Variants in DNAL4 observed in about 807,000 individuals in gnomAD.
DNAL4 encodes dynein light chain, outer arm 4.
Under a neutral mutation model 12.6 loss-of-function variants are expected in DNAL4, and 10 were observed. The observed-to-expected ratio is 0.79, with a 90% CI of 0.49 to 1.34. The LOEUF (loss-of-function observed/expected upper bound fraction) is 1.34. DNAL4 is among the 40% of genes most tolerant of loss of function. The pLI is 0.00. For missense variants in DNAL4, 128 were observed against 138.1 expected (o/e 0.93, Z 0.37); for synonymous variants, 46 against 53.1 (o/e 0.87, Z 0.58).
At chr22:38,784,019 G>A (rs1016775223) in intron 1 of DNAL4, among the ~76,000 whole-genome samples, 2 of 151,700 alleles carry the variant, frequency 1.3e-5, no homozygotes, top group African/African-American at 4.9e-5. Context: ...AAATCACCAG[G>A]TTGTTAAGCC....
chr22:38,791,778 C>T (rs1402328492), intron 1 of DNAL4, among the ~76,000 whole-genome samples: 1 of 151,980 alleles, frequency 6.6e-6, no homozygotes, highest in African/African-American at 2.4e-5. Flanking sequence ...GCAACATCCA[C>T]CATCCGGGTT....
chr22:38,785,732 C>G (rs1199989355), intron 1 of DNAL4: 2 of 152,286 alleles, frequency 1.3e-5, no homozygotes, highest in African/African-American at 4.8e-5. Flanking sequence ...TTGCAGCCGT[C>G]AGCAAGTAAT....
Position 38,779,750 on chromosome 22 carries a change from T to C in DNAL4, c.154-137A>G. The C allele has an allele frequency of 8.3e-7, 1 of 1,205,758 alleles. No individual in the cohort carries two copies. Among genetic ancestry groups the C allele is most frequent in the Non-Finnish European group, 1.1e-6 (1 of 883,498 alleles). The allele number at this position is 1,205,758 out of a possible 1,614,324, so 74.7% of individuals were successfully genotyped here. On this transcript the variant is annotated intron_variant, in intron 3 of 3. Transcript: ENST00000216068. The surrounding 1 kb of genome is among the most constrained non-coding windows in gnomAD (Gnocchi z 4.3). The stretch of plus-strand genomic sequence containing the variant: ...TGCTGTCCTATTTCTCTTGTCCTCC[T>C]GCTTCAAAAAGGGTTTCCACGCAGG...
intron 1 of DNAL4, among the ~76,000 whole-genome samples, chr22:38,784,753 T>C (rs752884038): frequency 1.3e-5 from 2 of 152,162 alleles, no homozygotes; most frequent in South Asian, 2.1e-4. Context: ...GACCTCGTGA[T>C]CCGCCCACCT....
intron 2 of DNAL4, among the ~76,000 whole-genome samples, chr22:38,781,832 C>T (rs1057205862): frequency 3.9e-5 from 6 of 152,174 alleles, no homozygotes; most frequent in African/African-American, 1.2e-4. Flanking sequence ...TAAACCCGAC[C>T]GCATCTCGCA....
rs369200209 is a variant in DNAL4 at position 38,780,882 on chromosome 22, G to A, written c.153+44C>T. The A allele has an allele frequency of 1.9e-6, 3 of 1,600,596 alleles. No individual in the cohort carries two copies. The African/African-American group carries it at 4.0e-5, about 21-fold the overall frequency. Reference sequence around the variant, plus strand: ...CAGGGGCCACTTTATTCACCCACAGGGGCCATCAAAAGCACGAGGGGCCGC... The same window carrying A: ...CAGGGGCCACTTTATTCACCCACAGAGGCCATCAAAAGCACGAGGGGCCGC... On this transcript the variant is annotated intron_variant, in intron 3 of 3. Transcript: ENST00000216068.
At chr22:38,789,126 C>G (rs1365770940) in intron 1 of DNAL4, among the ~76,000 whole-genome samples, 2 of 152,168 alleles carry the variant, frequency 1.3e-5, no homozygotes, top group Non-Finnish European at 2.9e-5. Context: ...TGTCCCTCCC[C>G]CAGTCACTCT....
At chr22:38,781,106 G>C in intron 2 of DNAL4, 97 bp from the exon 3 acceptor site, 1 of 1,370,252 alleles carries the variant, frequency 7.3e-7, no homozygotes, top group Non-Finnish European at 1.0e-6. Context: ...GGCATGGACA[G>C]CAGGTAGCCT....
intron 1 of DNAL4, chr22:38,785,985 T>C (rs1215194201): frequency 6.6e-6 from 1 of 152,226 alleles, no homozygotes; most frequent in African/African-American, 2.4e-5. Flanking sequence ...CCACTACACA[T>C]ACTTCTGGGG....
At chr22:38,786,053 T>C (rs2093041761) in intron 1 of DNAL4, 1 of 152,188 alleles carries the variant, frequency 6.6e-6, no homozygotes, top group Non-Finnish European at 1.5e-5. Flanking sequence ...TGTTTCCAAA[T>C]ACAGAAAGGC....
At chr22:38,789,858 G>A (rs905566188) in intron 1 of DNAL4, among the ~76,000 whole-genome samples, 7 of 152,194 alleles carry the variant, frequency 4.6e-5, no homozygotes, top group African/African-American at 9.7e-5. Context: ...CCTTCCAGGC[G>A]GATGAACACA....
Position 38,792,031 on chromosome 22 carries a change from C to T in DNAL4, c.-140+2037G>A, listed in dbSNP as rs140743846. 2.5e-4 allele frequency among the ~76,000 whole-genome samples: 38 copies of T among 151,980 alleles called. No homozygotes were observed. The East Asian group carries it at 5.8e-3, about 23-fold the overall frequency. On this transcript the variant is annotated intron_variant, in intron 1 of 3. Transcript: ENST00000216068. ...CTACTGTAACTTTATTTATAAACACCGTAAAAAATTTACGTAAATTTAGGC... is the reference window on the plus strand; with the variant it reads ...CTACTGTAACTTTATTTATAAACACTGTAAAAAATTTACGTAAATTTAGGC...
In DNAL4 at chr22:38,783,968, T is replaced by G. The variant is rs970106583; in HGVS notation, c.-139-1098A>C. The stretch of plus-strand genomic sequence containing the variant: ...CAATTTATCTCATAATTCAAAGTTT[T>G]TTTTTTTTTTAATCTCAGAAGTACT... On this transcript the variant is annotated intron_variant, in intron 1 of 3. Transcript: ENST00000216068. Among the ~76,000 whole-genome samples the G allele has an allele frequency of 4.9e-4, 75 of 152,250 alleles. 1 individual carries two copies. The highest frequency in any genetic ancestry group is 1.8e-3 in the African/African-American group (73 of 41,536).
chr22:38,779,380 A>C lies in DNAL4; in HGVS notation c.*69T>G. 1 of 1,503,640 alleles carries C rather than the reference A, an allele frequency of 6.7e-7. No homozygotes were observed. The highest frequency in any genetic ancestry group is 8.9e-7 in the Non-Finnish European group (1 of 1,120,726). 93.1% of individuals were successfully genotyped at this position (1,503,640 alleles called of 1,614,324 possible). A position where few individuals can be genotyped will look rare whatever the true frequency, so the allele number is the denominator to read the frequency against. The stretch of plus-strand genomic sequence containing the variant: ...TCCTTGGAAAAACCAGGACCTGCCT[A>C]GGGCTGCTCCCCACCCCAGATGAGT... On this transcript the variant is annotated 3_prime_UTR_variant, in exon 4 of 4. Transcript: ENST00000216068. The surrounding 1 kb of genome is among the most constrained non-coding windows in gnomAD (Gnocchi z 4.3).
intron 2 of DNAL4, among the ~76,000 whole-genome samples, chr22:38,781,354 G>A (rs1222286335): frequency 6.6e-6 from 1 of 152,236 alleles, no homozygotes; most frequent in African/African-American, 2.4e-5. Context: ...CGAAGAGGCC[G>A]CTGGGCGCTC....
chr22:38,784,014 A>C (rs925517967), intron 1 of DNAL4, among the ~76,000 whole-genome samples: 1 of 151,856 alleles, frequency 6.6e-6, no homozygotes, highest in Admixed American at 6.6e-5. Context: ...GATACAAATC[A>C]CCAGGTTGTT....
Position 38,779,341 on chromosome 22 carries a change from A to C in DNAL4, c.*108T>G, listed in dbSNP as rs1373485824. 3 of 1,381,674 alleles carry C rather than the reference A, an allele frequency of 2.2e-6. No individual in the cohort carries two copies. The highest frequency in any genetic ancestry group is 2.9e-6 in the Non-Finnish European group (3 of 1,045,374). The allele number at this position is 1,381,674 out of a possible 1,614,324, so 85.6% of individuals were successfully genotyped here. On this transcript the variant is annotated 3_prime_UTR_variant, in exon 4 of 4. Transcript: ENST00000216068. This position sits in a 1 kb window ranked among gnomAD's most constrained non-coding sequence, Gnocchi z 4.3. Reference sequence around the variant, plus strand: ...AAACTGGTACACAAAGACAAAAAGAAAAGACCCCAACTCTCCTTGGAAAAA... The same window carrying C: ...AAACTGGTACACAAAGACAAAAAGACAAGACCCCAACTCTCCTTGGAAAAA...
chr22:38,788,201 G>A (rs2093045303), intron 1 of DNAL4, among the ~76,000 whole-genome samples: 1 of 152,152 alleles, frequency 6.6e-6, no homozygotes. Flanking sequence ...CGTCCAAGAC[G>A]CTCGTAGTAA....
intron 1 of DNAL4, among the ~76,000 whole-genome samples, chr22:38,791,210 T>TA (rs2093050085): frequency 6.6e-6 from 1 of 151,200 alleles, no homozygotes; most frequent in Non-Finnish European, 1.5e-5. Context: ...CTATAAAAGA[T>TA]AAAAAATCAT....
Sources: allele counts gnomAD v4.1 joint callset (sites outside exome capture counted in the v4.1 genomes callset), GRCh38; gene constraint gnomAD v4.1.1; non-coding constraint Gnocchi (gnomAD v3.1); transcripts MANE v1.5; gene names NCBI Gene and HGNC (gene_info 2026-07-23, HGNC 2026-07-21).